NAV2: variants seen among roughly 807,000 people sequenced by gnomAD.
The protein encoded by NAV2 is neuron navigator 2, also known as helicase, APC down-regulated 1.
Under a neutral mutation model 223.2 loss-of-function variants are expected in NAV2, and 54 were observed. The observed-to-expected ratio is 0.24, with a 90% CI of 0.19 to 0.30. The LOEUF is 0.30. NAV2 is among the 10% of genes least tolerant of loss of function. The pLI is 1.00. For missense variants in NAV2, 2,806 were observed against 3,147.5 expected (o/e 0.89, Z 2.60); for synonymous variants, 1,279 against 1,239.3 (o/e 1.03, Z -0.67).
In NAV2 at chr11:19,998,320, G is replaced by A. The variant is rs772958675; in HGVS notation, c.2768+14073G>A. ...ACCTCCCTCTCCTTCTCTCTCATTGGCCATGGTGCAGGGGTCTAGGCTGCC... is the reference window on the plus strand; with the variant it reads ...ACCTCCCTCTCCTTCTCTCTCATTGACCATGGTGCAGGGGTCTAGGCTGCC... On this transcript the variant is annotated intron_variant, in intron 11 of 37. Transcript: ENST00000349880. The surrounding 1 kb of genome is among the most constrained non-coding windows in gnomAD (Gnocchi z 5.0). 2.0e-4 allele frequency among the ~76,000 whole-genome samples: 31 copies of A among 151,408 alleles called. No homozygotes were observed. The highest frequency in any genetic ancestry group is 3.7e-4 in the Non-Finnish European group (25 of 67,866).
intron 1 of NAV2, among the ~76,000 whole-genome samples, chr11:19,513,288 T>C (rs969419146): frequency 6.6e-6 from 1 of 152,114 alleles, no homozygotes; most frequent in Non-Finnish European, 1.5e-5. Flanking sequence ...GACCCACAGG[T>C]GTTGAAAAGC....
chr11:19,834,447 C>G (rs1337015077), intron 2 of NAV2, among the ~76,000 whole-genome samples: 1 of 152,174 alleles, frequency 6.6e-6, no homozygotes, highest in Non-Finnish European at 1.5e-5. Flanking sequence ...GCCTTGTCCT[C>G]CTTCACTTTA....
At chr11:19,944,052 T>C (rs2046630314) in intron 8 of NAV2, among the ~76,000 whole-genome samples, 1 of 151,810 alleles carries the variant, frequency 6.6e-6, no homozygotes, top group Non-Finnish European at 1.5e-5. Context: ...AAAAAAAAAT[T>C]TAGCCGGGTG....
intron 1 of NAV2, among the ~76,000 whole-genome samples, chr11:19,391,698 A>T (rs1419769086): frequency 6.6e-6 from 1 of 151,194 alleles, no homozygotes; most frequent in Non-Finnish European, 1.5e-5. Context: ...AGGGGCAGGA[A>T]CTGGGGGGGA....
intron 7 of NAV2, 94 bp downstream of exon 7, chr11:19,934,371 G>C: frequency 1.4e-6 from 2 of 1,382,030 alleles, no homozygotes; most frequent in Non-Finnish European, 9.5e-7. Context: ...GCTAGACTGT[G>C]CTCCAGGAAT....
At chr11:19,981,814 G>A (rs979466543) in intron 10 of NAV2, among the ~76,000 whole-genome samples, 1 of 152,174 alleles carries the variant, frequency 6.6e-6, no homozygotes, top group African/African-American at 2.4e-5. Context: ...CTGTTGGAGG[G>A]TGGCTGGATG....
At chr11:19,990,036 C>T (rs1355061943) in intron 11 of NAV2, among the ~76,000 whole-genome samples, 1 of 152,138 alleles carries the variant, frequency 6.6e-6, no homozygotes, top group Admixed American at 6.5e-5. Flanking sequence ...CAAAATGATT[C>T]ACATTAAGAG....
In NAV2 at chr11:19,985,867, C is replaced by T. The variant is rs969169469; in HGVS notation, c.2768+1620C>T. On this transcript the variant is annotated intron_variant, in intron 11 of 37. Transcript: ENST00000349880. ...CTGGGATTACAGGCGTGAGCCACTG[C>T]GCCCGGGCTGAGAACTGCTCTTACT... 3.9e-5 allele frequency among the ~76,000 whole-genome samples: 6 copies of T among 152,044 alleles called. No individual in the cohort carries two copies. The East Asian group carries it at 9.7e-4, about 24-fold the overall frequency.
chr11:19,955,969 C>T (rs1442679154), intron 10 of NAV2, among the ~76,000 whole-genome samples: 6 of 152,106 alleles, frequency 3.9e-5, no homozygotes, highest in African/African-American at 7.2e-5. Flanking sequence ...GCAGGCATCT[C>T]GAGATTTGGA....
intron 1 of NAV2, among the ~76,000 whole-genome samples, chr11:19,462,194 T>C (rs1465280042): frequency 6.6e-6 from 1 of 152,220 alleles, no homozygotes; most frequent in Non-Finnish European, 1.5e-5. Context: ...TCATCATGTA[T>C]CATAATCACC....
In NAV2 at chr11:19,937,169, A is replaced by G. The variant is rs191950669; in HGVS notation, c.2034-2492A>G. On this transcript the variant is annotated intron_variant, in intron 7 of 37. Coordinates refer to ENST00000349880, the MANE Select transcript of NAV2 (RefSeq NM_145117.5). ...ACAAACCAAAAAGCCAAGTCTGTCT[A>G]ACTAGTGAGACCAGGCTCTTAACCA... 2.2e-3 allele frequency among the ~76,000 whole-genome samples: 330 copies of G among 152,268 alleles called. 4 individuals are homozygous for G. The highest frequency in any genetic ancestry group is 6.4e-3 in the Admixed American group (98 of 15,294).
intron 1 of NAV2, among the ~76,000 whole-genome samples, chr11:19,429,042 C>A (rs1850944232): frequency 6.6e-6 from 1 of 152,156 alleles, no homozygotes; most frequent in Non-Finnish European, 1.5e-5. Context: ...GGGGAAGACC[C>A]TAAATGGACC....
chr11:19,414,828 C>A (rs892398073), intron 1 of NAV2, among the ~76,000 whole-genome samples: 1 of 152,204 alleles, frequency 6.6e-6, no homozygotes, highest in Non-Finnish European at 1.5e-5. Flanking sequence ...AACTGAACAA[C>A]CTGCTCCTGA....
At chr11:19,909,865 CCTT>C (rs2043167763) in intron 6 of NAV2, among the ~76,000 whole-genome samples, 1 of 152,026 alleles carries the variant, frequency 6.6e-6, no homozygotes, top group African/African-American at 2.4e-5. Flanking sequence ...CAAACGCCTG[CCTT>C]ATAAATAACT....
At chr11:19,815,786 G>A (rs757525717) in intron 1 of NAV2, among the ~76,000 whole-genome samples, 6 of 152,138 alleles carry the variant, frequency 3.9e-5, no homozygotes, top group African/African-American at 1.2e-4. Flanking sequence ...AGCTGCCACC[G>A]CCCATGTTTC....
rs1021058963 is a variant in NAV2, at chr11:19,832,413, G to A, written c.268-71G>A. The A allele has an allele frequency of 2.2e-4, 267 of 1,212,976 alleles. 1 individual carries two copies. Among genetic ancestry groups the A allele is most frequent in the Non-Finnish European group, 2.9e-4 (240 of 823,638 alleles). 75.1% of individuals were successfully genotyped at this position (1,212,976 alleles called of 1,614,324 possible). On this transcript the variant is annotated intron_variant, in intron 1 of 37. Transcript: ENST00000349880. ...GGGACAGTGGCCACTGTGCCGGCCC[G>A]AGCAGCTGCCTCAGACTCTGAGAGG...
In NAV2 at chr11:19,713,737, G is replaced by A. The variant is rs1178191146; in HGVS notation, c.42G>A (p.Leu14=). Residue 14 remains leucine, a synonymous_variant, in exon 1 of 38, where the codon CTG becomes CTA. Coordinates refer to ENST00000349880, the MANE Select transcript of NAV2 (RefSeq NM_145117.5). This position sits in a 1 kb window ranked among gnomAD's most constrained non-coding sequence, Gnocchi z 7.2. ...ILVASKMKSG[L]PKPVHSAAPI... is the part of the protein sequence containing the mutation. ...TCGCCTCCAAAATGAAGTCGGGACT[G>A]CCCAAACCCGTGCACAGCGCCGCGC... 3 of 1,608,322 alleles carry A rather than the reference G, an allele frequency of 1.9e-6. No homozygotes were observed. The highest frequency in any genetic ancestry group is 2.5e-6 in the Non-Finnish European group (3 of 1,176,804).
intron 1 of NAV2, among the ~76,000 whole-genome samples, chr11:19,640,676 G>T (rs1238156816): frequency 6.6e-6 from 1 of 152,216 alleles, no homozygotes; most frequent in African/African-American, 2.4e-5. Flanking sequence ...AAGGATAAAA[G>T]GATGGAGGTT....
chr11:19,954,895 G>A (rs187086512), intron 10 of NAV2, among the ~76,000 whole-genome samples: 96 of 140,494 alleles, frequency 6.8e-4, no homozygotes, highest in African/African-American at 2.3e-3. Flanking sequence ...GTATGTATGT[G>A]TATATATATG....
Sources: gnomAD v4.1 joint callset for allele counts (sites outside exome capture counted in the v4.1 genomes callset) on GRCh38, gnomAD v4.1.1 for gene constraint, Gnocchi (gnomAD v3.1) non-coding constraint, MANE v1.5 for transcripts, NCBI Gene and HGNC (gene_info 2026-07-23, HGNC 2026-07-21) for gene names.